Variants in SLC8A1 observed in about 807,000 individuals in gnomAD.
SLC8A1 encodes the protein solute carrier family 8 member A1.
In SLC8A1, 18 loss-of-function variants were observed where a neutral mutation model predicts 68.3. That is an observed-to-expected ratio of 0.26 (90% CI 0.18 to 0.39). The LOEUF (loss-of-function observed/expected upper bound fraction) is 0.39. SLC8A1 is among the 10% of genes least tolerant of loss of function. SLC8A1 has a pLI of 1.00. For synonymous variants in SLC8A1, 475 were observed against 415.5 expected (o/e 1.14, Z -1.74); for missense variants, 985 against 1,156.7 (o/e 0.85, Z 2.15).
At chr2:40,464,035 C>T (rs532334384) in intron 1 of SLC8A1, among the ~76,000 whole-genome samples, 1 of 152,166 alleles carries the variant, frequency 6.6e-6, no homozygotes, top group South Asian at 2.1e-4. Context: ...GCTGGGATTA[C>T]AGGTGCATGC....
chr2:40,429,497 C>G, exon 2 of SLC8A1: 2 of 1,613,896 alleles, frequency 1.2e-6, no homozygotes, highest in Non-Finnish European at 1.7e-6. Flanking sequence ...CTCTTGTAGA[C>G]ATACTTGTAA....
chr2:40,200,255 TA>T (rs2054100729), intron 2 of SLC8A1, among the ~76,000 whole-genome samples: 1 of 83,694 alleles, frequency 1.2e-5, no homozygotes, highest in African/African-American at 4.6e-5. Flanking sequence ...TATATATATA[TA>T]TATATATATA....
chr2:40,477,936 G>T (rs1704392711), intron 1 of SLC8A1, among the ~76,000 whole-genome samples: 1 of 152,104 alleles, frequency 6.6e-6, no homozygotes, highest in Admixed American at 6.5e-5. Context: ...ATAACCAGAT[G>T]ACCATAATGT....
intron 2 of SLC8A1, among the ~76,000 whole-genome samples, chr2:40,313,277 T>C (rs1045944773): frequency 6.6e-6 from 1 of 152,144 alleles, no homozygotes; most frequent in African/African-American, 2.4e-5. Flanking sequence ...TATAAATAGT[T>C]CATTCCTTTT....
chr2:40,352,939 A>T (rs1490469310), intron 2 of SLC8A1, among the ~76,000 whole-genome samples: 3 of 152,080 alleles, frequency 2.0e-5, no homozygotes, highest in Non-Finnish European at 4.4e-5. Flanking sequence ...ACGAGAAACC[A>T]GGGAGGGTTT....
intron 2 of SLC8A1, among the ~76,000 whole-genome samples, chr2:40,322,632 C>T (rs921585432): frequency 1.6e-4 from 24 of 151,650 alleles, no homozygotes; most frequent in African/African-American, 5.6e-4. Context: ...GCTGTGATGA[C>T]ATCACTGCAT....
intron 4 of SLC8A1, among the ~76,000 whole-genome samples, chr2:40,171,567 G>A (rs547397659): frequency 6.6e-6 from 1 of 152,164 alleles, no homozygotes; most frequent in Admixed American, 6.5e-5. Flanking sequence ...TGTGGGTTTT[G>A]AGTAGAAAAG....
chr2:40,359,094 G>A (rs1436117704), intron 2 of SLC8A1, among the ~76,000 whole-genome samples: 3 of 152,136 alleles, frequency 2.0e-5, no homozygotes, highest in Admixed American at 1.3e-4. Context: ...AAGTGAAAGT[G>A]AAGCTGAAGG....
chr2:40,410,551 A>G (rs1193654058), intron 2 of SLC8A1, among the ~76,000 whole-genome samples: 1 of 152,088 alleles, frequency 6.6e-6, no homozygotes, highest in Non-Finnish European at 1.5e-5. Context: ...TAGTAATTAT[A>G]ATTATTTTTA....
At chr2:40,114,110 AC>A (rs1441833880) in exon 8 of SLC8A1, 1 of 152,766 alleles carries the variant, frequency 6.5e-6, no homozygotes, top group Non-Finnish European at 1.5e-5. Context: ...AACAGTATGT[AC>A]TATACTCTAC....
chr2:40,456,153 A>G (rs1703000296), upstream of SLC8A1, among the ~76,000 whole-genome samples: 1 of 151,816 alleles, frequency 6.6e-6, no homozygotes, highest in Non-Finnish European at 1.5e-5. Context: ...CGTCTCTACT[A>G]AAAATACAAA....
chr2:40,366,598 A>T (rs934149816), intron 2 of SLC8A1, among the ~76,000 whole-genome samples: 1 of 152,042 alleles, frequency 6.6e-6, no homozygotes, highest in Non-Finnish European at 1.5e-5. Flanking sequence ...AGGAGGCAAC[A>T]GGCTTAAAGA....
intron 1 of SLC8A1, among the ~76,000 whole-genome samples, chr2:40,503,079 T>C (rs1429409289): frequency 6.6e-6 from 1 of 152,048 alleles, no homozygotes; most frequent in East Asian, 1.9e-4. Flanking sequence ...GTCAATTCCA[T>C]TTATGAAAAT....
chr2:40,170,974 ATAACCTAGGGT>A (rs1250000489), intron 4 of SLC8A1, among the ~76,000 whole-genome samples: 1 of 152,152 alleles, frequency 6.6e-6, no homozygotes, highest in Non-Finnish European at 1.5e-5. Context: ...AACTGTTTGG[ATAACCTAGGGT>A]TAACCTAGGC....
chr2:40,351,066 T>G (rs1670928519), intron 2 of SLC8A1, among the ~76,000 whole-genome samples: 1 of 152,142 alleles, frequency 6.6e-6, no homozygotes, highest in Non-Finnish European at 1.5e-5. Context: ...TCTAATAAAC[T>G]TTAGACAATC....
intron 7 of SLC8A1, among the ~76,000 whole-genome samples, chr2:40,134,498 A>G (rs1042583849): frequency 6.6e-6 from 1 of 152,170 alleles, no homozygotes; most frequent in African/African-American, 2.4e-5. Context: ...GCTCCTCATC[A>G]CAGTTCCCAC....
intron 2 of SLC8A1, among the ~76,000 whole-genome samples, chr2:40,336,829 G>A (rs1423915430): frequency 1.3e-5 from 2 of 152,076 alleles, no homozygotes; most frequent in African/African-American, 4.8e-5. Context: ...GATGTCACAT[G>A]GAATCTTGAC....
intron 2 of SLC8A1, among the ~76,000 whole-genome samples, chr2:40,398,591 A>G (rs920611661): frequency 2.6e-5 from 4 of 152,232 alleles, no homozygotes; most frequent in Non-Finnish European, 4.4e-5. Flanking sequence ...TTTTATTTTT[A>G]TAAAAATGCA....
intron 2 of SLC8A1, among the ~76,000 whole-genome samples, chr2:40,376,594 G>A (rs1239042908): frequency 1.3e-5 from 2 of 152,066 alleles, no homozygotes; most frequent in African/African-American, 2.4e-5. Context: ...AAAGGGAAAG[G>A]GAAAAGGAAA....
Sources: allele counts gnomAD v4.1 joint callset (sites outside exome capture counted in the v4.1 genomes callset), GRCh38; gene constraint gnomAD v4.1.1; transcripts MANE v1.5; gene names NCBI Gene and HGNC (gene_info 2026-07-23, HGNC 2026-07-21).